The following ELAVL4 variants were observed in gnomAD, a reference collection of about 807,000 sequenced individuals.
ELAVL4 encodes ELAV like RNA binding protein 4, also known as ELAV-like protein 4.
A neutral mutation model predicts 35.6 loss-of-function variants in ELAVL4; 1 was observed. That is an observed-to-expected ratio of 0.03 (90% confidence interval 0.01 to 0.13). ELAVL4 has a LOEUF of 0.13. Ranked by LOEUF, ELAVL4 falls within the 10% of genes least tolerant of loss-of-function variation. The probability of loss-of-function intolerance (pLI) is 1.00; values close to 1 mark genes in which losing one functional copy is unlikely to be tolerated. For missense variants in ELAVL4, 267 were observed against 464.9 expected, an observed-to-expected ratio of 0.57 and a Z score of 3.91; for synonymous variants, 156 against 171.0, an observed-to-expected ratio of 0.91 and a Z score of 0.69.
At chr1:50,148,110 C>A (rs1021866479) in intron 2 of ELAVL4, among the ~76,000 whole-genome samples, 4 of 152,182 alleles carry the variant, frequency 2.6e-5, no homozygotes, top group African/African-American at 4.8e-5. Context: ...GCTGGACATA[C>A]CCTATTTCAT....
intron 1 of ELAVL4, among the ~76,000 whole-genome samples, chr1:50,065,972 G>T (rs1664243967): frequency 6.6e-6 from 1 of 152,166 alleles, no homozygotes; most frequent in Non-Finnish European, 1.5e-5. Context: ...AAGTAAGGAA[G>T]AAGTGACACG....
intron 2 of ELAVL4, among the ~76,000 whole-genome samples, chr1:50,166,645 G>T (rs1329243042): frequency 6.6e-6 from 1 of 152,208 alleles, no homozygotes; most frequent in Non-Finnish European, 1.5e-5. Flanking sequence ...GCCATTTGCA[G>T]TCCTGCCTGG....
intron 2 of ELAVL4, among the ~76,000 whole-genome samples, chr1:50,146,403 A>G (rs890233832): frequency 6.6e-6 from 1 of 152,288 alleles, no homozygotes; most frequent in Admixed American, 6.5e-5. Flanking sequence ...TATTTGAAAA[A>G]CTGGAAGATA....
intron 1 of ELAVL4, among the ~76,000 whole-genome samples, chr1:50,096,031 A>G (rs1283310656): frequency 1.3e-5 from 2 of 152,226 alleles, no homozygotes; most frequent in African/African-American, 4.8e-5. Flanking sequence ...GGTGGATTCC[A>G]AAAGTTTTTG....
At chr1:50,165,672 G>A (rs1557816559) in intron 2 of ELAVL4, among the ~76,000 whole-genome samples, 1 of 147,028 alleles carries the variant, frequency 6.8e-6, no homozygotes, top group South Asian at 2.1e-4. Context: ...ATATGTATAT[G>A]TGTGCATATA....
upstream of ELAVL4, among the ~76,000 whole-genome samples, chr1:50,099,495 G>A (rs963121559): frequency 1.3e-5 from 2 of 149,914 alleles, no homozygotes; most frequent in Admixed American, 6.7e-5. Context: ...GGAAGGCAGA[G>A]GTTGCAGTGA....
At chr1:50,052,807 C>G (rs1176415347) in intron 1 of ELAVL4, among the ~76,000 whole-genome samples, 1 of 152,148 alleles carries the variant, frequency 6.6e-6, no homozygotes, top group African/African-American at 2.4e-5. Context: ...CATGTTCATG[C>G]ATCAGAGTAT....
chr1:50,072,649 A>G (rs1463397460), intron 1 of ELAVL4, among the ~76,000 whole-genome samples: 3 of 152,338 alleles, frequency 2.0e-5, no homozygotes, highest in Middle Eastern at 6.8e-3. Flanking sequence ...AAGGTCCTTC[A>G]CATCTGTGGT....
intron 2 of ELAVL4, among the ~76,000 whole-genome samples, chr1:50,152,489 C>A (rs1674975550): frequency 6.6e-6 from 1 of 152,046 alleles, no homozygotes; most frequent in Non-Finnish European, 1.5e-5. Context: ...TTGATTGAGA[C>A]TAGGAACTAA....
At chr1:50,156,219 A>T (rs572400797) in intron 2 of ELAVL4, among the ~76,000 whole-genome samples, 1 of 152,380 alleles carries the variant, frequency 6.6e-6, no homozygotes, top group East Asian at 1.9e-4. Flanking sequence ...CATACTTGAT[A>T]GATGTATTTG....
chr1:50,066,354 G>A (rs989728664), intron 1 of ELAVL4, among the ~76,000 whole-genome samples: 5 of 152,110 alleles, frequency 3.3e-5, no homozygotes, highest in Non-Finnish European at 4.4e-5. Context: ...CACATTGATC[G>A]CTAACATTTG....
chr1:50,118,495 A>G (rs1030259972), intron 1 of ELAVL4, among the ~76,000 whole-genome samples: 3 of 106,138 alleles, frequency 2.8e-5, no homozygotes, highest in African/African-American at 6.1e-5. Context: ...CATTTGAAGG[A>G]AAAAAAAAGA....
At chr1:50,117,897 G>A (rs533565004) in intron 1 of ELAVL4, among the ~76,000 whole-genome samples, 50 of 152,078 alleles carry the variant, frequency 3.3e-4, no homozygotes, top group Admixed American at 4.6e-4. Context: ...GTTCTTCCTC[G>A]GAATTGTATG....
At chr1:50,133,887 C>T (rs1671457299) in intron 1 of ELAVL4, among the ~76,000 whole-genome samples, 1 of 152,092 alleles carries the variant, frequency 6.6e-6, no homozygotes, top group Non-Finnish European at 1.5e-5. Context: ...TTATTATCTT[C>T]ACCTTCAGAA....
chr1:50,101,186 T>C (rs371419717), upstream of ELAVL4, among the ~76,000 whole-genome samples: 4 of 152,168 alleles, frequency 2.6e-5, no homozygotes, highest in East Asian at 5.8e-4. Flanking sequence ...TCTTCGTTCA[T>C]TCCCCATAAC....
In ELAVL4 at chr1:50,109,097, CA is replaced by C; in HGVS notation, c.-91del. The C allele has an allele frequency of 7.9e-7, 1 of 1,273,610 alleles. No homozygotes were observed. The highest frequency in any genetic ancestry group is 1.0e-6 in the Non-Finnish European group (1 of 992,220). 78.9% of individuals were successfully genotyped at this position (1,273,610 alleles called of 1,614,324 possible). ...TTTGTGGATCTTTAATTATATATAA[CA>C]ATAGTAGTCATTTTAAATATATATT... is the stretch of plus-strand genomic sequence containing the variant. On this transcript the variant is annotated 5_prime_UTR_variant, in exon 1 of 7. Coordinates refer to ENST00000371824, the MANE Select transcript of ELAVL4 (RefSeq NM_001144774.3).
intron 1 of ELAVL4, among the ~76,000 whole-genome samples, chr1:50,053,921 A>G (rs1364272583): frequency 2.0e-5 from 3 of 152,156 alleles, no homozygotes; most frequent in Admixed American, 2.0e-4. Flanking sequence ...GTGATATTTG[A>G]ACAAAACTTG....
At chr1:50,122,701 T>G (rs1374379920) in intron 1 of ELAVL4, among the ~76,000 whole-genome samples, 1 of 152,094 alleles carries the variant, frequency 6.6e-6, no homozygotes, top group East Asian at 1.9e-4. Context: ...CATCTTAGTG[T>G]GAAAAGCAAA....
At chr1:50,198,667 C>G (rs1241554773) in intron 6 of ELAVL4, among the ~76,000 whole-genome samples, 1 of 152,136 alleles carries the variant, frequency 6.6e-6, no homozygotes, top group East Asian at 1.9e-4. Context: ...TTGCTCCTCT[C>G]TGATGTTAGT....
Sources: allele counts gnomAD v4.1 joint callset (sites outside exome capture counted in the v4.1 genomes callset), GRCh38; gene constraint gnomAD v4.1.1; transcripts MANE v1.5; gene names NCBI Gene and HGNC (gene_info 2026-07-23, HGNC 2026-07-21).